DYM: variants seen among roughly 807,000 people sequenced by gnomAD.
DYM encodes dyggve-Melchior-Clausen syndrome protein.
A neutral mutation model predicts 93.1 loss-of-function variants in DYM; 78 were observed. That is an observed-to-expected ratio of 0.84 (90% CI 0.70 to 1.01). DYM has a LOEUF of 1.01. Ranked by LOEUF, DYM falls within the 50% of genes least tolerant of loss-of-function variation. DYM has a pLI of 0.00. For synonymous variants in DYM, 321 were observed against 319.7 expected, an observed-to-expected ratio of 1.00 and a Z score of -0.04; for missense variants, 789 against 845.0, an observed-to-expected ratio of 0.93 and a Z score of 0.82.
intron 8 of DYM, among the ~76,000 whole-genome samples, chr18:49,305,731 A>G (rs1023276158): frequency 2.0e-5 from 3 of 152,206 alleles, no homozygotes; most frequent in African/African-American, 7.2e-5. Context: ...GATCAAAAAC[A>G]AAAATAAAAA....
At chr18:49,046,365 A>G (rs1402595996) in intron 17 of DYM, among the ~76,000 whole-genome samples, 1 of 149,934 alleles carries the variant, frequency 6.7e-6, no homozygotes, top group Non-Finnish European at 1.5e-5. Context: ...ACATACAGAC[A>G]ACACAGACAT....
chr18:49,359,846 A>G (rs1279695457), intron 6 of DYM: 4 of 152,210 alleles, frequency 2.6e-5, no homozygotes, highest in Non-Finnish European at 2.9e-5. Flanking sequence ...TGGTTTGCAT[A>G]TATTCCTATT....
At chr18:49,426,398 G>C (rs1195635231) in intron 2 of DYM, among the ~76,000 whole-genome samples, 1 of 108,248 alleles carries the variant, frequency 9.2e-6, no homozygotes, top group Admixed American at 1.2e-4. Context: ...GCCTGTTGTG[G>C]GGTGGGGGGA....
At chr18:49,089,836 T>C (rs1369731539) in intron 17 of DYM, among the ~76,000 whole-genome samples, 1 of 152,224 alleles carries the variant, frequency 6.6e-6, no homozygotes, top group African/African-American at 2.4e-5. Flanking sequence ...GAAGAGATTC[T>C]AGTATCAACA....
chr18:49,386,937 T>A (rs1405712927), intron 3 of DYM, among the ~76,000 whole-genome samples: 1 of 151,066 alleles, frequency 6.6e-6, no homozygotes, highest in Admixed American at 6.6e-5. Flanking sequence ...TTTCTTCGTA[T>A]TTATTTACTT....
chr18:49,317,606 CCCCTCCCTCCCT>C (rs1555690448), intron 8 of DYM, among the ~76,000 whole-genome samples: 1 of 43,330 alleles, frequency 2.3e-5, no homozygotes, highest in African/African-American at 1.3e-4. Flanking sequence ...TCCCCCCTCC[CCCCTCCCTCCCT>C]CCCTCCCTCC....
chr18:49,401,409 T>C (rs2070806897), intron 2 of DYM, among the ~76,000 whole-genome samples: 1 of 152,140 alleles, frequency 6.6e-6, no homozygotes, highest in Non-Finnish European at 1.5e-5. Context: ...TTTTATTTTG[T>C]TTTTTACTGA....
chr18:49,079,924 C>A (rs1349627253), intron 17 of DYM, among the ~76,000 whole-genome samples: 1 of 151,516 alleles, frequency 6.6e-6, no homozygotes, highest in East Asian at 2.0e-4. Flanking sequence ...GTTGGGTACA[C>A]CTCCCAGACG....
chr18:49,147,517 G>C (rs1275749824), intron 15 of DYM, among the ~76,000 whole-genome samples: 10 of 151,964 alleles, frequency 6.6e-5, no homozygotes, highest in East Asian at 1.9e-4. Context: ...ACATCCCCAT[G>C]AAAAAGTGGG....
At chr18:49,403,776 TCTC>T (rs1318762245) in intron 2 of DYM, among the ~76,000 whole-genome samples, 1 of 151,398 alleles carries the variant, frequency 6.6e-6, no homozygotes, top group East Asian at 1.9e-4. Flanking sequence ...TGTCTATTGT[TCTC>T]CTTTATATAC....
intron 13 of DYM, among the ~76,000 whole-genome samples, chr18:49,235,044 T>G (rs2093819421): frequency 6.6e-6 from 1 of 152,264 alleles, no homozygotes. Context: ...TCCCAGAGCC[T>G]CCCAATATGA....
chr18:49,080,274 T>C (rs1157200236), intron 17 of DYM, among the ~76,000 whole-genome samples: 1 of 111,450 alleles, frequency 9.0e-6, no homozygotes, highest in African/African-American at 3.5e-5. Context: ...CACTTCCCAG[T>C]AGGGGCGGCG....
rs1293874795 is a variant in DYM, at chr18:49,039,785, G to T, written c.*4270C>A. Among the ~76,000 whole-genome samples the T allele has an allele frequency of 1.3e-5, 2 of 152,260 alleles. No individual in the cohort carries two copies. Among genetic ancestry groups the T allele is most frequent in the East Asian group, 3.9e-4 (2 of 5,188 alleles). ...TCTCTGTTGAAATTCTTGACCATGC[G>T]TCTCATTTTTTTGAACACAGTAACC... On this transcript the variant is annotated 3_prime_UTR_variant, in exon 18 of 18. Coordinates refer to ENST00000675505, the MANE Select transcript of DYM (RefSeq NM_001353214.3).
At chr18:49,393,100 GGAAGGAAGGAAGGAA>G (rs2069572641) in intron 2 of DYM, among the ~76,000 whole-genome samples, 1 of 1,480 alleles carries the variant, frequency 6.8e-4, no homozygotes, top group African/African-American at 2.0e-3. Context: ...AGGGAAGGAA[GGAAGGAAGGAAGGAA>G]GGAAGGAAGG....
At chr18:49,265,637 G>C (rs2094557163) in intron 11 of DYM, among the ~76,000 whole-genome samples, 1 of 152,032 alleles carries the variant, frequency 6.6e-6, no homozygotes, top group African/African-American at 2.4e-5. Flanking sequence ...AATTAGCCGG[G>C]TGTGGTGGCG....
chr18:49,318,847 C>G (rs2062227728), intron 8 of DYM, among the ~76,000 whole-genome samples: 1 of 135,096 alleles, frequency 7.4e-6, no homozygotes, highest in Non-Finnish European at 1.5e-5. Context: ...GTCGCCCAGG[C>G]TGGAGTGCAG....
intron 17 of DYM, among the ~76,000 whole-genome samples, chr18:49,083,861 C>T (rs1290525072): frequency 6.6e-6 from 1 of 151,990 alleles, no homozygotes; most frequent in Non-Finnish European, 1.5e-5. Flanking sequence ...TCATTCTTCA[C>T]TTTGGTAATC....
At chr18:49,302,078 G>T (rs2060972372) in intron 8 of DYM, among the ~76,000 whole-genome samples, 1 of 152,140 alleles carries the variant, frequency 6.6e-6, no homozygotes, top group Admixed American at 6.6e-5. Flanking sequence ...AATTCCAGAT[G>T]AAATCATTAA....
chr18:49,292,351 GACAGACACAC>G (rs1292352677), intron 8 of DYM, among the ~76,000 whole-genome samples: 17,375 of 104,968 alleles, frequency 0.17, 1,336 homozygotes, highest in Middle Eastern at 0.22. Flanking sequence ...CAGACAGACA[GACAGACACAC>G]ACACACACAC....
Sources: allele counts gnomAD v4.1 joint callset (sites outside exome capture counted in the v4.1 genomes callset), GRCh38; gene constraint gnomAD v4.1.1; transcripts MANE v1.5; gene names NCBI Gene and HGNC (gene_info 2026-07-23, HGNC 2026-07-21).